Variants in H2BC4 observed in about 807,000 individuals in gnomAD.
H2BC4 encodes the protein H2B clustered histone 4, also known as histone H2B type 1-C/E/F/G/I.
H2BC4 carries 10 observed loss-of-function variants against 6.2 expected under a neutral mutation model. The ratio of observed to expected loss-of-function variants is 1.61; its 90% CI spans 0.99 to 2.73. The LOEUF is 2.73. H2BC4 is among the 30% of genes most tolerant of loss of function. The probability of loss-of-function intolerance (pLI) is 0.00; values close to 1 mark genes in which losing one functional copy is unlikely to be tolerated. For synonymous variants in H2BC4, 146 were observed against 70.7 expected (o/e 2.07, Z -5.35); for missense variants, 176 against 168.7 (o/e 1.04, Z -0.24).
At chr6:26,115,590 G>T (rs1581687379) in intron 1 of H2BC4, among the ~76,000 whole-genome samples, 1 of 152,154 alleles carries the variant, frequency 6.6e-6, no homozygotes, top group Non-Finnish European at 1.5e-5. Flanking sequence ...CAGCGACGAA[G>T]GCCAGGCCGT....
At chr6:26,121,637 G>A (rs538553870), downstream of H2BC4, among the ~76,000 whole-genome samples, 118 of 152,188 alleles carry the variant, frequency 7.8e-4, no homozygotes, top group South Asian at 0.022. Flanking sequence ...GGGAAAAGGC[G>A]GGGAAAGAAT....
chr6:26,123,459 T>G (rs1763541188), downstream of H2BC4: 3 of 1,588,804 alleles, frequency 1.9e-6, no homozygotes, highest in Non-Finnish European at 2.6e-6. Flanking sequence ...GCTCTTTTAG[T>G]GGGTATCTGG....
rs1350554942 is a variant in H2BC4, at chr6:26,123,512, T to C, written c.*12A>G. On this transcript the variant is annotated 3_prime_UTR_variant, in exon 1 of 1. Transcript: ENST00000396984. ...CTTTGGGGTTAGGTGTTAAGACGCTTACTTGGAATGTTTACTTGGAGCTGG... is the reference window on the plus strand; with the variant it reads ...CTTTGGGGTTAGGTGTTAAGACGCTCACTTGGAATGTTTACTTGGAGCTGG... 6.2e-7 allele frequency: 1 copy of C among 1,614,192 alleles called. No individual in the cohort carries two copies.
Position 26,123,846 on chromosome 6 carries a change from G to T in H2BC4, c.59C>A (p.Thr20Asn). ...APKKGSKKAV[T>N]KAQKKDGKKR... ...CTTGCCATCTTTCTTCTGCGCTTTGGTCACTGCCTTCTTGGAGCCCTTCTT... is the reference window on the plus strand; with the variant it reads ...CTTGCCATCTTTCTTCTGCGCTTTGTTCACTGCCTTCTTGGAGCCCTTCTT... The change falls in exon 1 of 1, where the codon ACC (threonine) becomes AAC (asparagine). Residue 20 changes from threonine to asparagine, a missense_variant. By Grantham distance (65) the Thr-to-Asn change is moderately conservative. Coordinates refer to ENST00000396984, the MANE Select transcript of H2BC4 (RefSeq NM_003526.3). 2.5e-6 allele frequency: 4 copies of T among 1,614,250 alleles called. No homozygotes were observed. Among genetic ancestry groups the T allele is most frequent in the Non-Finnish European group, 3.4e-6 (4 of 1,180,050 alleles).
chr6:26,118,684 G>C (rs1763456842), downstream of H2BC4, among the ~76,000 whole-genome samples: 1 of 152,196 alleles, frequency 6.6e-6, no homozygotes, highest in Admixed American at 6.5e-5. Context: ...TGTAGACTTT[G>C]AAGAGGAAAC....
chr6:26,123,208 G>A, downstream of H2BC4: 1 of 415,548 alleles, frequency 2.4e-6, no homozygotes, highest in Non-Finnish European at 4.3e-6. Flanking sequence ...AGACAGCTGG[G>A]TCTGAAACCT....
chr6:26,122,190 T>C (rs1324959112), downstream of H2BC4, among the ~76,000 whole-genome samples: 2 of 152,186 alleles, frequency 1.3e-5, no homozygotes. Flanking sequence ...TATAAGGCCT[T>C]GTCTGGCACC....
rs757608021 is a variant in H2BC4 at position 26,123,668 on chromosome 6, G to T, written c.237C>A (p.Ser79=). ...AGCGCTTGTTGTAATGCGCCAGGCG[G>T]GAAGCCTCGCCCGCGATGCGCTCAA... ...DIFERIAGEA[S]RLAHYNKRST... is the part of the protein sequence containing the mutation. The change falls in exon 1 of 1, where the codon TCC becomes TCA. Residue 79 remains serine (S), a synonymous_variant. Transcript: ENST00000396984. 6 of 1,614,274 alleles carry T rather than the reference G, an allele frequency of 3.7e-6. No individual in the cohort carries two copies. In the South Asian group the frequency reaches 6.6e-5, roughly 18 times the overall value.
chr6:26,118,263 C>T (rs78394133), intron 1 of H2BC4, among the ~76,000 whole-genome samples: 3,926 of 152,040 alleles, frequency 0.026, 139 homozygotes, highest in African/African-American at 0.075. Context: ...CCTTAAAGTA[C>T]AAATTGTCTC....
intron 1 of H2BC4, among the ~76,000 whole-genome samples, chr6:26,117,627 T>G (rs1025685765): frequency 3.3e-5 from 5 of 152,236 alleles, no homozygotes; most frequent in Admixed American, 2.0e-4. Flanking sequence ...AGGGCAATTA[T>G]TACCACTCTA....
Position 26,123,635 on chromosome 6 carries a change from G to A in H2BC4, c.270C>T (p.Ile90=). The A allele has an allele frequency of 1.9e-6, 3 of 1,614,274 alleles. No homozygotes were observed. Among genetic ancestry groups the A allele is most frequent in the South Asian group, 2.2e-5 (2 of 91,088 alleles). Residue 90 remains isoleucine, a synonymous_variant, in exon 1 of 1, where the codon ATC becomes ATT. Coordinates refer to ENST00000396984, the MANE Select transcript of H2BC4 (RefSeq NM_003526.3). The part of the protein sequence containing the change: ...RLAHYNKRST[I]TSREIQTAVR... ...CGGCCGTCTGGATCTCCCTGGAGGT[G>A]ATGGTCGAGCGCTTGTTGTAATGCG... is the stretch of plus-strand genomic sequence containing the variant.
At position 26,123,659 on chromosome 6, in the gene H2BC4, C is replaced by T. The variant is rs765570979; in HGVS notation, c.246G>A (p.Ala82=). The T allele has an allele frequency of 1.2e-6, 2 of 1,614,252 alleles. No individual in the cohort carries two copies. The highest frequency in any genetic ancestry group is 2.2e-5 in the East Asian group (1 of 44,878). ...ERIAGEASRL[A]HYNKRSTITS... ...TGATGGTCGAGCGCTTGTTGTAATG[C>T]GCCAGGCGGGAAGCCTCGCCCGCGA... The change falls in exon 1 of 1, where the codon GCG becomes GCA. Residue 82 remains alanine, a synonymous_variant. Coordinates refer to ENST00000396984, the MANE Select transcript of H2BC4 (RefSeq NM_003526.3).
At chr6:26,115,463 G>A (rs1052747927) in intron 1 of H2BC4, among the ~76,000 whole-genome samples, 5 of 152,136 alleles carry the variant, frequency 3.3e-5, no homozygotes, top group Admixed American at 6.6e-5. Flanking sequence ...ATGTCTGTAC[G>A]CTCTTAAAAG....
intron 1 of H2BC4, among the ~76,000 whole-genome samples, chr6:26,116,191 A>C (rs1167073386): frequency 6.6e-6 from 1 of 152,182 alleles, no homozygotes; most frequent in Non-Finnish European, 1.5e-5. Context: ...TTCCTCATAG[A>C]ATGAGAGAAG....
rs1430509079 is a variant in H2BC4 at position 26,123,800 on chromosome 6, C to A, written c.105G>T (p.Lys35Asn). The stretch of plus-strand genomic sequence containing the variant: ...TGTACACGTACACAGAGTAACTCTC[C>A]TTGCGGCTGCGCTTGCGCTTCTTGC... ...KDGKKRKRSR[K>N]ESYSVYVYKV... Residue 35 changes from lysine (K) to asparagine (N), a missense_variant, in exon 1 of 1, where the codon AAG becomes AAT. Transcript: ENST00000396984. The A allele has an allele frequency of 6.2e-7, 1 of 1,614,258 alleles. No homozygotes were observed. Among genetic ancestry groups the A allele is most frequent in the Non-Finnish European group, 8.5e-7 (1 of 1,180,054 alleles).
chr6:26,122,562 T>C (rs1373731342), downstream of H2BC4, among the ~76,000 whole-genome samples: 1 of 152,130 alleles, frequency 6.6e-6, no homozygotes, highest in African/African-American at 2.4e-5. Context: ...AGATACAGTG[T>C]ATGTGCTAAG....
chr6:26,120,059 T>G (rs1763479243), downstream of H2BC4, among the ~76,000 whole-genome samples: 1 of 152,198 alleles, frequency 6.6e-6, no homozygotes, highest in Non-Finnish European at 1.5e-5. Context: ...AGTTTTTATT[T>G]AAATTGATGT....
downstream of H2BC4, chr6:26,123,382 C>T: frequency 7.2e-7 from 1 of 1,391,108 alleles, no homozygotes; most frequent in Non-Finnish European, 9.7e-7. Flanking sequence ...CACTTGTCCC[C>T]ACCCCTCTCC....
At chr6:26,120,263 C>T (rs1418188105), downstream of H2BC4, among the ~76,000 whole-genome samples, 1 of 151,992 alleles carries the variant, frequency 6.6e-6, no homozygotes, top group South Asian at 2.1e-4. Flanking sequence ...CCAGTTTGGC[C>T]AACATGGCGA....
Sources: allele counts gnomAD v4.1 joint callset (sites outside exome capture counted in the v4.1 genomes callset), GRCh38; gene constraint gnomAD v4.1.1; transcripts MANE v1.5; gene names NCBI Gene and HGNC (gene_info 2026-07-23, HGNC 2026-07-21).